The following KLHL21 variants were observed in gnomAD, a reference collection of about 807,000 sequenced individuals.
KLHL21 encodes the protein kelch-like protein 21.
Under a neutral mutation model 44.1 loss-of-function variants are expected in KLHL21, and 42 were observed. The ratio of observed to expected loss-of-function variants is 0.95; its 90% CI spans 0.74 to 1.23. The LOEUF (loss-of-function observed/expected upper bound fraction) is 1.23. Among genes scored for constraint, KLHL21 ranks in the 50% most tolerant of loss-of-function variants. The pLI is 0.00. For missense variants in KLHL21, 918 were observed against 889.1 expected, an observed-to-expected ratio of 1.03 and a Z score of -0.41; for synonymous variants, 524 against 411.6, an observed-to-expected ratio of 1.27 and a Z score of -3.31.
At chr1:6,600,572 A>C (rs1277317630) in intron 1 of KLHL21, among the ~76,000 whole-genome samples, 1 of 152,172 alleles carries the variant, frequency 6.6e-6, no homozygotes, top group Non-Finnish European at 1.5e-5. Context: ...TTAGGAAGTG[A>C]GCTCTGCCGG....
At chr1:6,595,190 T>C in intron 3 of KLHL21, 2 of 573,968 alleles carry the variant, frequency 3.5e-6, no homozygotes, top group Non-Finnish European at 6.2e-6. Context: ...CTGGAACAGG[T>C]GTCCCCAGAT....
At position 6,602,005 on chromosome 1, in the gene KLHL21, C is replaced by G. The variant is rs546295497; in HGVS notation, c.813G>C (p.Gly271=). ...GGCGAGGACGCATTCGGGGACAGGG[C>G]CCGCGGTCGTGGCGGTCGTAGCGCG... ...QAARYDRHDR[G]PCPRMRPRPS... is the part of the protein sequence containing the mutation. The change falls in exon 1 of 4, where the codon GGG becomes GGC. Residue 271 remains glycine (G), a synonymous_variant. Coordinates refer to ENST00000377658, the MANE Select transcript of KLHL21 (RefSeq NM_014851.4). 2.6e-6 allele frequency: 4 copies of G among 1,542,498 alleles called. 1 individual carries two copies. In the South Asian group the frequency reaches 4.8e-5, roughly 18 times the overall value.
At chr1:6,600,152 C>T (rs547605515) in intron 1 of KLHL21, among the ~76,000 whole-genome samples, 9 of 152,130 alleles carry the variant, frequency 5.9e-5, no homozygotes, top group Non-Finnish European at 1.5e-5. Context: ...CTCAAGCAAT[C>T]CTCCCACCTC....
rs186209412 is a variant in KLHL21, at chr1:6,598,015, T to C, written c.1427+1032A>G. ...CCGCAGGCTGCCTGTCTCTGCTCCG[T>C]GCTGCTCAGCCTACAGCCTACTCTT... On this transcript the variant is annotated intron_variant, in intron 2 of 3. Transcript: ENST00000377658. 4.2e-3 allele frequency among the ~76,000 whole-genome samples: 634 copies of C among 152,352 alleles called. 1 individual carries two copies. Among genetic ancestry groups the C allele is most frequent in the Non-Finnish European group, 6.7e-3 (458 of 68,038 alleles).
rs916342926 is a variant in KLHL21, at chr1:6,599,028, C to T, written c.1427+19G>A. On this transcript the variant is annotated intron_variant, in intron 2 of 3. Transcript: ENST00000377658. ...AAGAGACACCAAACACACAGTGGGG[C>T]TCGGCACCTGGAACTCACCTGACAA... The T allele has an allele frequency of 3.6e-5, 56 of 1,552,922 alleles. No individual in the cohort carries two copies. Among genetic ancestry groups the T allele is most frequent in the Non-Finnish European group, 4.8e-5 (55 of 1,146,876 alleles).
chr1:6,602,360 A>G lies in KLHL21; in HGVS notation c.458T>C (p.Leu153Pro), dbSNP rs2148704582. 3 of 1,575,598 alleles carry G rather than the reference A, an allele frequency of 1.9e-6. No homozygotes were observed. In the East Asian group the frequency reaches 7.1e-5, roughly 37 times the overall value. ...DFAEAFSCSG[L>P]ASAAQRFILR... ...AATGAACCGCTGCGCCGCGCTCGCC[A>G]GTCCCGAGCAGCTGAAGGCCTCAGC... The change falls in exon 1 of 4, where the codon CTG becomes CCG. Residue 153 changes from leucine (L) to proline (P), a missense_variant. Leu to Pro is a moderately conservative substitution (Grantham distance 98, BLOSUM62 -3). Coordinates refer to ENST00000377658, the MANE Select transcript of KLHL21 (RefSeq NM_014851.4).
intron 1 of KLHL21, among the ~76,000 whole-genome samples, chr1:6,600,972 T>C (rs992743560): frequency 3.3e-5 from 5 of 152,172 alleles, no homozygotes; most frequent in African/African-American, 1.2e-4. Context: ...CTCGCGAACA[T>C]GCAAGGCTGG....
chr1:6,601,030 G>C (rs911825725), intron 1 of KLHL21, among the ~76,000 whole-genome samples: 1 of 152,162 alleles, frequency 6.6e-6, no homozygotes, highest in Admixed American at 6.5e-5. Flanking sequence ...CCTGATAACC[G>C]CCTCACACGC....
At position 6,602,187 on chromosome 1, in the gene KLHL21, G is replaced by T; in HGVS notation, c.631C>A (p.Pro211Thr). Residue 211 changes from proline to threonine, a missense_variant, in exon 1 of 4, where the codon CCG becomes ACG. Coordinates refer to ENST00000377658, the MANE Select transcript of KLHL21 (RefSeq NM_014851.4). ...LALRWVRADP[P>T]RRAAHWPQLL... ...TGCGGCCAGTGCGCGGCGCGGCGCG[G>T]CGGGTCAGCGCGGACCCAGCGCAGC... The T allele has an allele frequency of 6.9e-7, 1 of 1,443,906 alleles. No individual in the cohort carries two copies. Among genetic ancestry groups the T allele is most frequent in the Non-Finnish European group, 9.0e-7 (1 of 1,108,660 alleles). The allele number at this position is 1,443,906 out of a possible 1,614,324, so 89.4% of individuals were successfully genotyped here.
chr1:6,599,107 A>G lies in KLHL21; in HGVS notation c.1367T>C (p.Leu456Pro), dbSNP rs1313855524. Residue 456 changes from leucine (L) to proline (P), a missense_variant, in exon 2 of 4, where the codon CTC becomes CCC. Leu to Pro is a moderately conservative substitution (Grantham distance 98). Transcript: ENST00000377658. ...DLWSLVDCGQLPPWSFAPKTA... is the reference protein window; with the variant it reads ...DLWSLVDCGQPPPWSFAPKTA... ...CTTGGGGGCGAAGGACCAGGGCGGG[A>G]GCTGGCCGCAGTCCACCAGCGACCA... 1 of 1,612,696 alleles carries G rather than the reference A, an allele frequency of 6.2e-7. No homozygotes were observed. Among genetic ancestry groups the G allele is most frequent in the East Asian group, 2.2e-5 (1 of 44,844 alleles).
intron 2 of KLHL21, among the ~76,000 whole-genome samples, chr1:6,598,679 A>C (rs187953011): frequency 6.6e-6 from 1 of 151,986 alleles, no homozygotes. Flanking sequence ...TCAGGAGATC[A>C]AGACCATCCT....
Position 6,602,728 on chromosome 1 carries a change from G to C in KLHL21, c.90C>G (p.Ala30=), listed in dbSNP as rs1055771855. The change falls in exon 1 of 4, where the codon GCC becomes GCG. Residue 30 remains alanine (A), a synonymous_variant. Transcript: ENST00000377658. Reference sequence around the variant, plus strand: ...GGGTCACGTCCAGGAACTTGCGCTCGGCGCGCAGCTGGCTCAGGCCGCGCA... The same window carrying C: ...GGGTCACGTCCAGGAACTTGCGCTCCGCGCGCAGCTGGCTCAGGCCGCGCA... ...SLLRGLSQLR[A]ERKFLDVTLE... The C allele has an allele frequency of 1.3e-6, 2 of 1,512,000 alleles. No homozygotes were observed. The highest frequency in any genetic ancestry group is 2.1e-5 in the Admixed American group (1 of 48,764). 93.7% of individuals were successfully genotyped at this position (1,512,000 alleles called of 1,614,324 possible). A position where few individuals can be genotyped will look rare whatever the true frequency, so the allele number is the denominator to read the frequency against.
intron 1 of KLHL21, 147 bp downstream of exon 1, chr1:6,601,650 C>T (rs1462825428): frequency 8.5e-6 from 11 of 1,295,078 alleles, no homozygotes; most frequent in African/African-American, 4.5e-5. Context: ...AAGTATCGCC[C>T]AGAGACATGT....
At position 6,602,652 on chromosome 1, in the gene KLHL21, C is replaced by A. The variant is rs1180828555; in HGVS notation, c.166G>T (p.Ala56Ser). ...DFPAHRAVLA[A>S]ASPYFRAMFA... is the part of the protein sequence containing the mutation. ...ATGGCGCGGAAGTAGGGGCTGGCGG[C>A]GGCCAGCACCGCACGGTGCGCCGGG... is the stretch of plus-strand genomic sequence containing the variant. The change falls in exon 1 of 4, where the codon GCC (alanine) becomes TCC (serine). Residue 56 changes from alanine (A) to serine (S), a missense_variant. Coordinates refer to ENST00000377658, the MANE Select transcript of KLHL21 (RefSeq NM_014851.4). 1 of 1,506,440 alleles carries A rather than the reference C, an allele frequency of 6.6e-7. No homozygotes were observed. The highest frequency in any genetic ancestry group is 1.2e-5 in the South Asian group (1 of 80,312). The allele number at this position is 1,506,440 out of a possible 1,614,324, so 93.3% of individuals were successfully genotyped here.
At chr1:6,599,484 C>T (rs1305282791) in intron 1 of KLHL21, 32 bp from the exon 2 acceptor site, 1 of 1,573,050 alleles carries the variant, frequency 6.4e-7, no homozygotes, top group Admixed American at 1.7e-5. Flanking sequence ...AGAAGATCAG[C>T]CCACTCAGGT....
At chr1:6,594,133 G>T in intron 3 of KLHL21, 1 of 967,852 alleles carries the variant, frequency 1.0e-6, no homozygotes, top group Non-Finnish European at 1.2e-6. Flanking sequence ...CAGAACGCTG[G>T]GTCTCTTAAA....
At chr1:6,593,704 G>C in intron 3 of KLHL21, 46 bp from the exon 4 acceptor site, 1 of 1,513,884 alleles carries the variant, frequency 6.6e-7, no homozygotes, top group Non-Finnish European at 8.9e-7. Flanking sequence ...GGAGAGGGTA[G>C]GGCAGGGCCC....
chr1:6,599,546 A>T, intron 1 of KLHL21, 94 bp from the exon 2 acceptor site: 1 of 1,290,854 alleles, frequency 7.7e-7, no homozygotes, highest in Non-Finnish European at 1.0e-6. Context: ...CTGCCTTGGG[A>T]GGAATTAACA....
intron 1 of KLHL21, 51 bp from the exon 2 acceptor site, chr1:6,599,503 C>A (rs1468839650): frequency 2.0e-6 from 3 of 1,537,542 alleles, no homozygotes; most frequent in East Asian, 4.6e-5. Context: ...GTGAGTCACC[C>A]ACCTGCACCC....
Sources: gnomAD v4.1 joint callset for allele counts (sites outside exome capture counted in the v4.1 genomes callset) on GRCh38, gnomAD v4.1.1 for gene constraint, MANE v1.5 for transcripts, NCBI Gene and HGNC (gene_info 2026-07-23, HGNC 2026-07-21) for gene names.